The following ITCH variants were observed in gnomAD, a reference collection of about 807,000 sequenced individuals.
ITCH encodes the protein E3 ubiquitin-protein ligase Itchy homolog.
A neutral mutation model predicts 126.8 loss-of-function variants in ITCH; 28 were observed. The ratio of observed to expected loss-of-function variants is 0.22; its 90% CI spans 0.16 to 0.30. ITCH has a LOEUF of 0.30. Among genes scored for constraint, ITCH ranks in the 10% least tolerant of loss-of-function variants. ITCH has a pLI of 1.00. For missense variants in ITCH, 631 were observed against 1,032.4 expected (o/e 0.61, Z 5.33); for synonymous variants, 342 against 340.0 (o/e 1.01, Z -0.06).
chr20:34,429,488 G>A (rs1365083408), intron 7 of ITCH, among the ~76,000 whole-genome samples: 1 of 152,164 alleles, frequency 6.6e-6, no homozygotes, highest in African/African-American at 2.4e-5. Context: ...CTCAAGATTT[G>A]CATTTCTAAC....
At chr20:34,446,356 C>T (rs1321940798) in intron 11 of ITCH, among the ~76,000 whole-genome samples, 1 of 152,184 alleles carries the variant, frequency 6.6e-6, no homozygotes, top group African/African-American at 2.4e-5. Context: ...CAGCACCTTT[C>T]GTATTCCTTT....
intron 12 of ITCH, chr20:34,454,484 A>C (rs1285567147): frequency 6.6e-6 from 1 of 152,096 alleles, no homozygotes; most frequent in African/African-American, 2.4e-5. Context: ...AAGCTTATGC[A>C]CTGAAGATGC....
intron 6 of ITCH, chr20:34,417,314 T>C: frequency 1.2e-4 from 47 of 390,062 alleles, no homozygotes; most frequent in Non-Finnish European, 1.5e-4. Context: ...CCAGGCTGGC[T>C]TTGAACTCCC....
chr20:34,408,782 C>A lies in ITCH; in HGVS notation c.202C>A (p.Pro68Thr), dbSNP rs1396703645. 2.5e-6 allele frequency: 4 copies of A among 1,613,974 alleles called. No homozygotes were observed. The East Asian group carries it at 8.9e-5, about 36-fold the overall frequency. ...CACAAACAGTCCCAAGTGGAAGCAA[C>A]CCCTTACAGTGTAAGCTTGGAAGTA... is the stretch of plus-strand genomic sequence containing the variant. ...NNTNSPKWKQ[P>T]LTVIVTPVSK... The change falls in exon 4 of 25, where the codon CCC (proline) becomes ACC (threonine). Residue 68 changes from proline (P) to threonine (T), a missense_variant. By Grantham distance (38) the Pro-to-Thr change is conservative (BLOSUM62 -1). Transcript: ENST00000374864.
chr20:34,409,147 C>A (rs1425848343), intron 4 of ITCH, among the ~76,000 whole-genome samples: 17 of 138,054 alleles, frequency 1.2e-4, no homozygotes, highest in Non-Finnish European at 1.7e-4. Context: ...ACTCCCCCCC[C>A]CCCCGGTTTT....
intron 13 of ITCH, among the ~76,000 whole-genome samples, chr20:34,458,782 C>T (rs920025956): frequency 2.6e-5 from 4 of 152,176 alleles, no homozygotes; most frequent in East Asian, 1.9e-4. Flanking sequence ...TTTATAAGGA[C>T]GTCAGTCCTA....
chr20:34,500,379 C>G (rs1264953891), intron 23 of ITCH, among the ~76,000 whole-genome samples: 1 of 152,122 alleles, frequency 6.6e-6, no homozygotes, highest in Non-Finnish European at 1.5e-5. Flanking sequence ...ATATAACTCT[C>G]ATATCCTCTT....
chr20:34,505,161 A>G (rs1990538306), intron 24 of ITCH, among the ~76,000 whole-genome samples: 1 of 151,980 alleles, frequency 6.6e-6, no homozygotes, highest in Admixed American at 6.6e-5. Flanking sequence ...CTCTTGCCTC[A>G]GCCTCCCAAG....
At position 34,476,657 on chromosome 20, in the gene ITCH, G is replaced by A. The variant is rs1428767816; in HGVS notation, c.1570-1115G>A. The A allele has an allele frequency of 3.4e-5, 10 of 296,704 alleles. No individual in the cohort carries two copies. In the East Asian group the frequency reaches 6.4e-4, roughly 19 times the overall value. 18.4% of individuals were successfully genotyped at this position (296,704 alleles called of 1,614,324 possible). On this transcript the variant is annotated intron_variant, in intron 16 of 24. Transcript: ENST00000374864. ...GGATTTTCTGGCTTGAGTGGGATGT[G>A]AATTCATAAATGTGATGGTTTTGTG... is the stretch of plus-strand genomic sequence containing the variant.
At chr20:34,429,675 C>T (rs975075573) in intron 7 of ITCH, among the ~76,000 whole-genome samples, 5 of 152,106 alleles carry the variant, frequency 3.3e-5, no homozygotes, top group South Asian at 2.1e-4. Flanking sequence ...AAAGTCCGAG[C>T]GTGCAGAATT....
chr20:34,454,141 CTTT>C (rs1296651082), intron 12 of ITCH, among the ~76,000 whole-genome samples: 1 of 142,356 alleles, frequency 7.0e-6, no homozygotes. Context: ...TTATGTTTTT[CTTT>C]TTTTTTTTTT....
intron 2 of ITCH, among the ~76,000 whole-genome samples, chr20:34,378,471 C>CAA (rs35400213): frequency 0.024 from 1,141 of 47,560 alleles, 60 homozygotes; most frequent in African/African-American, 0.049. Context: ...AACTCTGTCT[C>CAA]AAAAAAAAAA....
At chr20:34,382,573 T>C (rs1159728836) in intron 2 of ITCH, among the ~76,000 whole-genome samples, 1 of 151,464 alleles carries the variant, frequency 6.6e-6, no homozygotes, top group Non-Finnish European at 1.5e-5. Context: ...GCCCAGCTAA[T>C]TTTTTTGTAT....
chr20:34,447,158 C>G (rs903070980), intron 11 of ITCH, among the ~76,000 whole-genome samples: 2 of 147,862 alleles, frequency 1.4e-5, no homozygotes, highest in East Asian at 4.0e-4. Context: ...CGATTTAGTA[C>G]TCAGAGTCTT....
At chr20:34,483,331 C>T (rs1187069192) in intron 20 of ITCH, among the ~76,000 whole-genome samples, 1 of 152,156 alleles carries the variant, frequency 6.6e-6, no homozygotes, top group Admixed American at 6.5e-5. Flanking sequence ...TGCAAATTTT[C>T]CAAACTTTTA....
intron 13 of ITCH, among the ~76,000 whole-genome samples, chr20:34,461,592 G>T (rs1424226311): frequency 1.3e-5 from 2 of 151,846 alleles, no homozygotes; most frequent in African/African-American, 2.4e-5. Context: ...GCAGGCGCCT[G>T]TAGTCCCAGC....
chr20:34,456,765 A>G (rs1986046452), intron 12 of ITCH, among the ~76,000 whole-genome samples: 1 of 151,414 alleles, frequency 6.6e-6, no homozygotes, highest in Admixed American at 6.6e-5. Context: ...TATTTTTTGT[A>G]GAGATGAGGG....
At position 34,511,480 on chromosome 20, in the gene ITCH, G is replaced by C. The variant is rs2146596469; in HGVS notation, c.*3686G>C. 6.6e-6 allele frequency: 1 copy of C among 152,284 alleles called. No homozygotes were observed. The highest frequency in any genetic ancestry group is 2.4e-5 in the African/African-American group (1 of 41,544). The allele number at this position is 152,284 out of a possible 1,614,324, so 9.4% of individuals were successfully genotyped here. Reference sequence around the variant, plus strand: ...ACCTTCTGAGACTTATATGTGACCAGGTCACATAGATTTCTGCCTCTCTGC... The same window carrying C: ...ACCTTCTGAGACTTATATGTGACCACGTCACATAGATTTCTGCCTCTCTGC... On this transcript the variant is annotated 3_prime_UTR_variant, in exon 25 of 25. Transcript: ENST00000374864.
intron 13 of ITCH, among the ~76,000 whole-genome samples, chr20:34,460,641 G>C (rs1986421297): frequency 6.6e-6 from 1 of 152,102 alleles, no homozygotes; most frequent in Non-Finnish European, 1.5e-5. Context: ...CTAAAGTTTA[G>C]AGAGATTAAG....
Sources: allele counts gnomAD v4.1 joint callset (sites outside exome capture counted in the v4.1 genomes callset), GRCh38; gene constraint gnomAD v4.1.1; transcripts MANE v1.5; gene names NCBI Gene and HGNC (gene_info 2026-07-23, HGNC 2026-07-21).